B3GALT1: variants seen among roughly 807,000 people sequenced by gnomAD.
The protein encoded by B3GALT1 is UDP-Gal:betaGlcNAc beta 1,3-galactosyltransferase, polypeptide 1.
In B3GALT1, 10 loss-of-function variants were observed where a neutral mutation model predicts 23.2. The observed-to-expected ratio is 0.43, with a 90% CI of 0.27 to 0.73. The LOEUF (loss-of-function observed/expected upper bound fraction) is 0.73, where lower values mean the gene tolerates loss of function less well. B3GALT1 is among the 30% of genes least tolerant of loss of function. The probability of loss-of-function intolerance (pLI) is 0.21; values close to 1 mark genes in which losing one functional copy is unlikely to be tolerated. For missense variants in B3GALT1, 299 were observed against 405.4 expected (o/e 0.74, Z 2.25); for synonymous variants, 156 against 141.5 (o/e 1.10, Z -0.73).
At chr2:167,695,938 G>T (rs1254607876) in intron 3 of B3GALT1, among the ~76,000 whole-genome samples, 1 of 152,064 alleles carries the variant, frequency 6.6e-6, no homozygotes, top group Non-Finnish European at 1.5e-5. Context: ...TATACTGTCT[G>T]TTGTGTATTT....
rs142463185 is a variant in B3GALT1 at position 167,430,076 on chromosome 2, G to T, written c.-510-60101G>T. 2.4e-4 allele frequency among the ~76,000 whole-genome samples: 36 copies of T among 152,324 alleles called. 1 individual carries two copies. The highest frequency in any genetic ancestry group is 7.9e-4 in the African/African-American group (33 of 41,576). On this transcript the variant is annotated intron_variant, in intron 1 of 4. Transcript: ENST00000392690. ...GTAGGATACCATTAAATGCTGTGGGGAGAAAAATCAGAAATGAGGATAAAC... is the reference window on the plus strand; with the variant it reads ...GTAGGATACCATTAAATGCTGTGGGTAGAAAAATCAGAAATGAGGATAAAC...
intron 1 of B3GALT1, among the ~76,000 whole-genome samples, chr2:167,412,230 TGAA>T (rs1265593992): frequency 1.3e-5 from 2 of 152,108 alleles, no homozygotes; most frequent in African/African-American, 4.8e-5. Flanking sequence ...TCATTAAACG[TGAA>T]GAAAAGTAAT....
intron 2 of B3GALT1, among the ~76,000 whole-genome samples, chr2:167,571,421 A>G (rs996258518): frequency 6.6e-6 from 1 of 151,872 alleles, no homozygotes; most frequent in Non-Finnish European, 1.5e-5. Context: ...ATAGGCCTGG[A>G]GAGAGCAAAT....
At chr2:167,629,921 C>G (rs1171924490) in intron 2 of B3GALT1, among the ~76,000 whole-genome samples, 1 of 151,726 alleles carries the variant, frequency 6.6e-6, no homozygotes, top group Non-Finnish European at 1.5e-5. Context: ...CATGACTAAC[C>G]ATATCACACA....
chr2:167,467,267 C>G (rs901971925), intron 1 of B3GALT1, among the ~76,000 whole-genome samples: 1 of 151,892 alleles, frequency 6.6e-6, no homozygotes, highest in Non-Finnish European at 1.5e-5. Context: ...AATTTATTCT[C>G]CAGAGAAAAA....
chr2:167,316,725 G>A (rs879777229), intron 1 of B3GALT1, among the ~76,000 whole-genome samples: 2 of 152,098 alleles, frequency 1.3e-5, no homozygotes, highest in Non-Finnish European at 2.9e-5. Flanking sequence ...GTTGCCCAAA[G>A]TAACAAACTA....
chr2:167,678,164 G>C (rs1411266526), intron 3 of B3GALT1, among the ~76,000 whole-genome samples: 1 of 152,132 alleles, frequency 6.6e-6, no homozygotes, highest in Admixed American at 6.6e-5. Context: ...CATATCCCTA[G>C]ATAATTAGCC....
chr2:167,647,895 A>G (rs1321731375), intron 3 of B3GALT1, among the ~76,000 whole-genome samples: 1 of 152,150 alleles, frequency 6.6e-6, no homozygotes, highest in Non-Finnish European at 1.5e-5. Context: ...TGGGGTTTCC[A>G]TCTCCTCAAG....
chr2:167,816,086 T>C (rs1274776984), intron 3 of B3GALT1, among the ~76,000 whole-genome samples: 6 of 152,226 alleles, frequency 3.9e-5, no homozygotes, highest in Admixed American at 6.5e-5. Context: ...GAAAGTAGCT[T>C]ATATTTTTCC....
At chr2:167,665,881 C>G (rs910193393) in intron 3 of B3GALT1, among the ~76,000 whole-genome samples, 3 of 149,710 alleles carry the variant, frequency 2.0e-5, no homozygotes, top group Non-Finnish European at 2.9e-5. Context: ...TGCTAGTGGT[C>G]TATCAATTTT....
At chr2:167,411,378 C>CAAAAAAAAAAAAAAAAAAAAAA (rs60719828) in intron 1 of B3GALT1, among the ~76,000 whole-genome samples, 3 of 136,550 alleles carry the variant, frequency 2.2e-5, no homozygotes, top group African/African-American at 8.3e-5. Flanking sequence ...AACAAAAAAC[C>CAAAAAAAAAAAAAAAAAAAAAA]AAAAAAAAAA....
At chr2:167,402,438 C>T (rs1698207397) in intron 1 of B3GALT1, among the ~76,000 whole-genome samples, 1 of 152,042 alleles carries the variant, frequency 6.6e-6, no homozygotes, top group South Asian at 2.1e-4. Context: ...TTCTGAAAAA[C>T]TACTCTCTGA....
Position 167,699,767 on chromosome 2 carries a change from C to T in B3GALT1, c.-352+52801C>T, listed in dbSNP as rs918559861. ...CATTCTTGTTGCCCAGGCTGGACTA[C>T]AATGATGCGATCTCGGCTCACTACA... On this transcript the variant is annotated intron_variant, in intron 3 of 4. Coordinates refer to ENST00000392690, the MANE Select transcript of B3GALT1 (RefSeq NM_020981.4). Among the ~76,000 whole-genome samples the T allele has an allele frequency of 3.4e-4, 52 of 152,258 alleles. 1 individual carries two copies. Among genetic ancestry groups the T allele is most frequent in the African/African-American group, 1.2e-3 (51 of 41,544 alleles).
At chr2:167,824,841 T>G (rs1689181142) in intron 4 of B3GALT1, among the ~76,000 whole-genome samples, 1 of 152,196 alleles carries the variant, frequency 6.6e-6, no homozygotes, top group Admixed American at 6.5e-5. Context: ...ATCATGAATT[T>G]ACCTTTGCAT....
chr2:167,525,774 A>ATTTT (rs58757694), intron 2 of B3GALT1, among the ~76,000 whole-genome samples: 4 of 145,198 alleles, frequency 2.8e-5, no homozygotes, highest in Non-Finnish European at 3.0e-5. Flanking sequence ...CACCTGGCTA[A>ATTTT]TTTTTTTTTT....
At chr2:167,702,760 A>G (rs1489376007) in intron 3 of B3GALT1, among the ~76,000 whole-genome samples, 3 of 152,206 alleles carry the variant, frequency 2.0e-5, no homozygotes, top group African/African-American at 7.2e-5. Flanking sequence ...CAGGCTTTTA[A>G]AGCTATTTTC....
chr2:167,730,531 G>C (rs1687394982), intron 3 of B3GALT1, among the ~76,000 whole-genome samples: 1 of 152,090 alleles, frequency 6.6e-6, no homozygotes, highest in Non-Finnish European at 1.5e-5. Context: ...GCAGAGACAG[G>C]CTCAAAGATA....
chr2:167,560,811 C>G (rs1347870743), intron 2 of B3GALT1, among the ~76,000 whole-genome samples: 1 of 152,154 alleles, frequency 6.6e-6, no homozygotes, highest in Non-Finnish European at 1.5e-5. Flanking sequence ...TAAAGCAAGT[C>G]CTGGGTGACC....
chr2:167,625,474 A>G (rs1197169402), intron 2 of B3GALT1, among the ~76,000 whole-genome samples: 1 of 151,866 alleles, frequency 6.6e-6, no homozygotes, highest in African/African-American at 2.4e-5. Flanking sequence ...GTCCTATAAG[A>G]TGATTATTTG....
Sources: allele counts gnomAD v4.1 joint callset (sites outside exome capture counted in the v4.1 genomes callset), GRCh38; gene constraint gnomAD v4.1.1; transcripts MANE v1.5; gene names NCBI Gene and HGNC (gene_info 2026-07-23, HGNC 2026-07-21).